Variants in ADARB1 observed in about 807,000 individuals in gnomAD.
ADARB1 encodes double-stranded RNA-specific editase 1.
In ADARB1, 10 loss-of-function variants were observed where a neutral mutation model predicts 52.4. The observed-to-expected ratio is 0.19, with a 90% confidence interval of 0.12 to 0.32. The LOEUF (loss-of-function observed/expected upper bound fraction) is 0.32, where lower values mean the gene tolerates loss of function less well. ADARB1 is among the 10% of genes least tolerant of loss of function. The pLI, the probability that ADARB1 is intolerant of heterozygous loss-of-function variation, is 1.00. For synonymous variants in ADARB1, 349 were observed against 371.1 expected (o/e 0.94, Z 0.68); for missense variants, 643 against 922.3 (o/e 0.70, Z 3.92).
In ADARB1 at chr21:45,176,012, T is replaced by G. The variant is rs747059653; in HGVS notation, c.311T>G (p.Val104Gly). The G allele has an allele frequency of 6.2e-7, 1 of 1,614,192 alleles. No individual in the cohort carries two copies. The highest frequency in any genetic ancestry group is 1.1e-5 in the South Asian group (1 of 91,078). The change falls in exon 4 of 11, where the codon GTG becomes GGG. Residue 104 changes from valine to glycine, a missense_variant. Transcript: ENST00000348831. The surrounding 1 kb of genome is among the most constrained non-coding windows in gnomAD (Gnocchi z 5.8). Reference protein sequence around the residue: ...QYTLLSQTGPVHAPLFVMSVE... With the variant: ...QYTLLSQTGPGHAPLFVMSVE... ...ACACTCCTGTCCCAGACTGGGCCCG[T>G]GCACGCGCCTTTGTTTGTCATGTCT...
chr21:45,121,351 G>A (rs899888653), intron 1 of ADARB1, among the ~76,000 whole-genome samples: 2 of 152,082 alleles, frequency 1.3e-5, no homozygotes, highest in African/African-American at 4.8e-5. Context: ...TATTCTTATT[G>A]TGGAAAGACT....
At chr21:45,162,915 A>G (rs1462109205) in intron 2 of ADARB1, among the ~76,000 whole-genome samples, 1 of 152,154 alleles carries the variant, frequency 6.6e-6, no homozygotes, top group Non-Finnish European at 1.5e-5. Flanking sequence ...TGTGAATCTT[A>G]ACTCACAGCA....
At chr21:45,093,871 G>A (rs946046676) in intron 1 of ADARB1, among the ~76,000 whole-genome samples, 2 of 152,058 alleles carry the variant, frequency 1.3e-5, no homozygotes, top group East Asian at 1.9e-4. Flanking sequence ...TGGGTTTTTC[G>A]ACCCTGCACA....
intron 2 of ADARB1, among the ~76,000 whole-genome samples, chr21:45,151,499 CT>C (rs907570575): frequency 6.6e-6 from 1 of 152,030 alleles, no homozygotes; most frequent in Non-Finnish European, 1.5e-5. Flanking sequence ...ATTAATTTGT[CT>C]TTTTTTTCTT....
rs2089783161 is a variant in ADARB1, at chr21:45,142,491, A to T, written c.-48+13918A>T. On this transcript the variant is annotated intron_variant, in intron 2 of 10. Coordinates refer to ENST00000348831, the MANE Select transcript of ADARB1 (RefSeq NM_001112.4). This position sits in a 1 kb window ranked among gnomAD's most constrained non-coding sequence, Gnocchi z 4.0. ...ATATGTTACTTGACTTAATATTGTA[A>T]GGAATCTTAATTGAGAAAATAAGTA... Among the ~76,000 whole-genome samples the T allele has an allele frequency of 6.6e-6, 1 of 152,240 alleles. No homozygotes were observed. The highest frequency in any genetic ancestry group is 1.5e-5 in the Non-Finnish European group (1 of 68,040).
At chr21:45,183,617 CT>C (rs2092001192) in intron 7 of ADARB1, 107 bp downstream of exon 7, 3 of 1,284,040 alleles carry the variant, frequency 2.3e-6, no homozygotes, top group Non-Finnish European at 3.2e-6. Flanking sequence ...TATTTTTAGA[CT>C]TGGATGTGGA....
intron 1 of ADARB1, among the ~76,000 whole-genome samples, chr21:45,117,662 C>G (rs1184687557): frequency 6.6e-6 from 1 of 152,022 alleles, no homozygotes; most frequent in Non-Finnish European, 1.5e-5. Flanking sequence ...ACATATTATT[C>G]TGTCCTATAG....
rs71199660 is a variant in ADARB1, at chr21:45,206,560, C to CT, written c.1747+1855dup. ...TTTCCTCCTCAATATCTTCTCTGGTCTTTTTTTTTTTTTTTTTTTTTTTTT... is the reference window on the plus strand; with the variant it reads ...TTTCCTCCTCAATATCTTCTCTGGTCTTTTTTTTTTTTTTTTTTTTTTTTTT... On this transcript the variant is annotated intron_variant, in intron 9 of 10. Coordinates refer to ENST00000348831, the MANE Select transcript of ADARB1 (RefSeq NM_001112.4). Among the ~76,000 whole-genome samples, 419 of 54,966 alleles carry CT rather than the reference C, an allele frequency of 7.6e-3. 84 individuals carry two copies. The highest frequency in any genetic ancestry group is 0.016 in the African/African-American group (207 of 13,266). The allele number at this position is 54,966 out of a possible 152,430, so 36.1% of individuals were successfully genotyped here.
intron 1 of ADARB1, among the ~76,000 whole-genome samples, chr21:45,103,396 G>GAA (rs1445515269): frequency 6.6e-6 from 1 of 151,900 alleles, no homozygotes; most frequent in East Asian, 1.9e-4. Context: ...AATATATAAT[G>GAA]AAATAATCAT....
intron 9 of ADARB1, among the ~76,000 whole-genome samples, chr21:45,219,350 C>G (rs886973001): frequency 6.6e-6 from 1 of 152,052 alleles, no homozygotes; most frequent in African/African-American, 2.4e-5. Flanking sequence ...ATGGTGAAAC[C>G]CCATCTCTAC....
Position 45,204,723 on chromosome 21 carries a change from G to GT in ADARB1, c.1734_1735insT (p.Pro579SerfsTer32). Reference sequence around the variant, plus strand: ...TGCCACCTCTCTACACCCTCAACAAGCCTTTGCTCAGTGGCAAGTATCTCT... The same window carrying GT: ...TGCCACCTCTCTACACCCTCAACAAGTCCTTTGCTCAGTGGCAAGTATCTCT... On this transcript the variant is annotated frameshift_variant, in exon 9 of 11. Coordinates refer to ENST00000348831, the MANE Select transcript of ADARB1 (RefSeq NM_001112.4). LOFTEE classifies it high-confidence loss of function. This position sits in a 1 kb window ranked among gnomAD's most constrained non-coding sequence, Gnocchi z 4.4. 1.2e-6 allele frequency: 2 copies of GT among 1,613,964 alleles called. No homozygotes were observed. The highest frequency in any genetic ancestry group is 1.7e-6 in the Non-Finnish European group (2 of 1,179,956).
rs144716593 is a variant in ADARB1, at chr21:45,126,476, G to C, written c.-219-1926G>C. The stretch of plus-strand genomic sequence containing the variant: ...GACCATCTTTTATTGCGCCCCTACT[G>C]TGATCTTAGTCACGGGGCCAAGCAC... On this transcript the variant is annotated intron_variant, in intron 1 of 10. Transcript: ENST00000348831. Among the ~76,000 whole-genome samples the C allele has an allele frequency of 1.2e-3, 182 of 152,224 alleles. 2 individuals carry two copies. In the East Asian group the frequency reaches 0.032, roughly 27 times the overall value.
chr21:45,142,222 G>A lies in ADARB1; in HGVS notation c.-48+13649G>A, dbSNP rs1328568357. On this transcript the variant is annotated intron_variant, in intron 2 of 10. Coordinates refer to ENST00000348831, the MANE Select transcript of ADARB1 (RefSeq NM_001112.4). The surrounding 1 kb of genome is among the most constrained non-coding windows in gnomAD (Gnocchi z 4.0). ...TCAATTCAAGTGTCTCCTTTTTTTGGGCTCCTGCCTTCTTTTTGTTTTTCA... is the reference window on the plus strand; with the variant it reads ...TCAATTCAAGTGTCTCCTTTTTTTGAGCTCCTGCCTTCTTTTTGTTTTTCA... Among the ~76,000 whole-genome samples the A allele has an allele frequency of 1.3e-5, 2 of 152,066 alleles. No individual in the cohort carries two copies. Among genetic ancestry groups the A allele is most frequent in the Non-Finnish European group, 2.9e-5 (2 of 68,010 alleles).
intron 1 of ADARB1, among the ~76,000 whole-genome samples, chr21:45,104,281 AAGAGTTAGGT>A: frequency 6.6e-6 from 1 of 152,244 alleles, no homozygotes; most frequent in Non-Finnish European, 1.5e-5. Context: ...CACTTCTGTG[AAGAGTTAGGT>A]GCTGTCCGGG....
At chr21:45,124,658 A>G (rs910760661) in intron 1 of ADARB1, among the ~76,000 whole-genome samples, 17 of 151,830 alleles carry the variant, frequency 1.1e-4, no homozygotes, top group African/African-American at 3.4e-4. Context: ...GATTCCATGC[A>G]TGAGCTACTG....
intron 2 of ADARB1, among the ~76,000 whole-genome samples, chr21:45,134,157 C>T (rs1421626150): frequency 1.6e-5 from 2 of 127,468 alleles, no homozygotes; most frequent in African/African-American, 3.1e-5. Flanking sequence ...GTGGTGTGTG[C>T]GCCCGCTGGG....
rs1282879551 is a variant in ADARB1 at position 45,184,413 on chromosome 21, G to A, written c.1397-510G>A. The stretch of plus-strand genomic sequence containing the variant: ...CTTGGAGACCACTTTTGTGAATTTT[G>A]TTTGTGTTATGTCCTTCCTACTCAA... On this transcript the variant is annotated intron_variant, in intron 7 of 10. Coordinates refer to ENST00000348831, the MANE Select transcript of ADARB1 (RefSeq NM_001112.4). 3.4e-5 allele frequency: 6 copies of A among 175,262 alleles called. 1 individual carries two copies. Among genetic ancestry groups the A allele is most frequent in the South Asian group, 8.9e-5 (1 of 11,288 alleles). The allele number at this position is 175,262 out of a possible 1,614,324, so 10.9% of individuals were successfully genotyped here. A position where few individuals can be genotyped will look rare whatever the true frequency, so the allele number is the denominator to read the frequency against.
chr21:45,153,696 T>C (rs2090418489), intron 2 of ADARB1, among the ~76,000 whole-genome samples: 1 of 152,250 alleles, frequency 6.6e-6, no homozygotes, highest in Non-Finnish European at 1.5e-5. Context: ...GAAGTCTGTG[T>C]CTGGGAGTGG....
chr21:45,079,766 C>T (rs149978039), intron 1 of ADARB1, among the ~76,000 whole-genome samples: 2 of 152,252 alleles, frequency 1.3e-5, no homozygotes, highest in East Asian at 3.9e-4. Context: ...GATTAGTTAT[C>T]TGAGTAGAGA....
Sources: allele counts gnomAD v4.1 joint callset (sites outside exome capture counted in the v4.1 genomes callset), GRCh38; gene constraint gnomAD v4.1.1; non-coding constraint Gnocchi (gnomAD v3.1); transcripts MANE v1.5; gene names NCBI Gene and HGNC (gene_info 2026-07-23, HGNC 2026-07-21).